The following SLC30A9 variants were observed in gnomAD, a reference collection of about 807,000 sequenced individuals.
SLC30A9 encodes proton-coupled zinc antiporter SLC30A9, mitochondrial.
SLC30A9 carries 58 observed loss-of-function variants against 87.5 expected under a neutral mutation model. That is an observed-to-expected ratio of 0.66 (90% CI 0.54 to 0.82). The LOEUF is 0.82. Ranked by LOEUF, SLC30A9 falls within the 40% of genes least tolerant of loss-of-function variation. The pLI, the probability that SLC30A9 is intolerant of heterozygous loss-of-function variation, is 0.00. For missense variants in SLC30A9, 557 were observed against 679.1 expected (o/e 0.82, Z 2.00); for synonymous variants, 234 against 233.0 (o/e 1.00, Z -0.04).
At chr4:42,009,633 A>C (rs1375685196) in intron 2 of SLC30A9, among the ~76,000 whole-genome samples, 1 of 152,230 alleles carries the variant, frequency 6.6e-6, no homozygotes, top group Admixed American at 6.5e-5. Context: ...AGTTGGTGCT[A>C]TGTAAAATAA....
chr4:42,049,431 A>G lies in SLC30A9; in HGVS notation c.792A>G (p.Ala264=), dbSNP rs1356541293. The change falls in exon 9 of 18, where the codon GCA becomes GCG. Residue 264 remains alanine (A), a synonymous_variant. Transcript: ENST00000264451. ...KFLAWIYTGS[A]SMFSEAIHSL... Reference sequence around the variant, plus strand: ...TTGCCTGGATTTATACCGGTTCAGCAAGTATGTTCTCAGAAGCTATACACT... The same window carrying G: ...TTGCCTGGATTTATACCGGTTCAGCGAGTATGTTCTCAGAAGCTATACACT... The G allele has an allele frequency of 1.9e-6, 3 of 1,612,200 alleles. No individual in the cohort carries two copies. The Admixed American group carries it at 5.0e-5, about 27-fold the overall frequency.
rs905566058 is a variant in SLC30A9 at position 42,021,758 on chromosome 4, G to GT, written c.435-1071dup. ...TTTCTTCTTTTCGTTTTTTTTGTTTGTTTTTTTTTGAGACAGGGTCTCACT... is the reference window on the plus strand; with the variant it reads ...TTTCTTCTTTTCGTTTTTTTTGTTTGTTTTTTTTTTGAGACAGGGTCTCACT... On this transcript the variant is annotated intron_variant, in intron 4 of 17. Transcript: ENST00000264451. Among the ~76,000 whole-genome samples the GT allele has an allele frequency of 1.1e-3, 159 of 149,564 alleles. 1 individual carries two copies. The highest frequency in any genetic ancestry group is 9.3e-4 in the African/African-American group (38 of 40,662).
chr4:42,075,059 A>ATT (rs1162707677), intron 15 of SLC30A9, among the ~76,000 whole-genome samples: 2 of 32,296 alleles, frequency 6.2e-5, no homozygotes, highest in Non-Finnish European at 1.0e-4. Flanking sequence ...ATATATATAT[A>ATT]TTTTTTTTTT....
chr4:42,040,333 C>T (rs1716869848), intron 8 of SLC30A9, among the ~76,000 whole-genome samples: 1 of 152,068 alleles, frequency 6.6e-6, no homozygotes, highest in South Asian at 2.1e-4. Context: ...TAACATAGTA[C>T]CTGCTCTAAG....
chr4:42,007,735 C>T (rs1045723053), intron 2 of SLC30A9, among the ~76,000 whole-genome samples: 3 of 152,080 alleles, frequency 2.0e-5, no homozygotes, highest in East Asian at 3.9e-4. Context: ...CCAGCCTGGG[C>T]GACAGAGCAA....
rs1716649663 is a variant in SLC30A9 at position 42,035,684 on chromosome 4, C to T, written c.669+351C>T. On this transcript the variant is annotated intron_variant, in intron 7 of 17. Coordinates refer to ENST00000264451, the MANE Select transcript of SLC30A9 (RefSeq NM_006345.4). ...TTAATTTTTGTGTTTTTAGTAGAGA[C>T]AGAGTTTCACCATGTTGGCTAGGTG... Among the ~76,000 whole-genome samples the T allele has an allele frequency of 2.0e-5, 3 of 152,000 alleles. No individual in the cohort carries two copies. The South Asian group carries it at 6.2e-4, about 32-fold the overall frequency.
intron 6 of SLC30A9, among the ~76,000 whole-genome samples, chr4:42,027,684 C>T (rs554358728): frequency 1.5e-4 from 23 of 152,078 alleles, no homozygotes; most frequent in Middle Eastern, 3.4e-3. Context: ...TCCCAACTCA[C>T]AGGAGTGTAA....
At chr4:42,054,487 G>A (rs970801298) in intron 9 of SLC30A9, among the ~76,000 whole-genome samples, 3 of 136,106 alleles carry the variant, frequency 2.2e-5, no homozygotes, top group African/African-American at 7.4e-5. Context: ...TAAGGAATTA[G>A]TATTGATTTT....
At chr4:42,046,996 A>T (rs1011606031) in intron 8 of SLC30A9, among the ~76,000 whole-genome samples, 1 of 152,224 alleles carries the variant, frequency 6.6e-6, no homozygotes, top group South Asian at 2.1e-4. Context: ...TCCCGATTTA[A>T]TAAATGGTGC....
chr4:42,067,284 T>C (rs1157824889), intron 14 of SLC30A9, 92 bp downstream of exon 14: 1 of 777,648 alleles, frequency 1.3e-6, no homozygotes. Flanking sequence ...TTGAATAATA[T>C]TAAACCAACA....
In SLC30A9 at chr4:42,023,397, A is replaced by T; in HGVS notation, c.610+13A>T. ...GAATACAGAGAAAGTAAGTATATTC[A>T]ATTTAAAGTCAAGTTAATTGAAAAA... On this transcript the variant is annotated intron_variant, in intron 6 of 17. Transcript: ENST00000264451. 1 of 1,505,544 alleles carries T rather than the reference A, an allele frequency of 6.6e-7. No individual in the cohort carries two copies. The highest frequency in any genetic ancestry group is 9.2e-7 in the Non-Finnish European group (1 of 1,081,200). The allele number at this position is 1,505,544 out of a possible 1,614,324, so 93.3% of individuals were successfully genotyped here.
At chr4:41,991,954 C>G (rs979710995) in intron 1 of SLC30A9, among the ~76,000 whole-genome samples, 1 of 151,780 alleles carries the variant, frequency 6.6e-6, no homozygotes, top group Non-Finnish European at 1.5e-5. Context: ...CAGCACTATT[C>G]CCAGGGCTTT....
intron 9 of SLC30A9, among the ~76,000 whole-genome samples, chr4:42,053,293 T>C (rs189730088): frequency 2.3e-4 from 35 of 152,078 alleles, no homozygotes; most frequent in African/African-American, 8.0e-4. Flanking sequence ...CTCTGGAAAA[T>C]ATTTGGCAGC....
At chr4:42,021,447 A>G (rs1715945003) in intron 4 of SLC30A9, among the ~76,000 whole-genome samples, 1 of 152,218 alleles carries the variant, frequency 6.6e-6, no homozygotes, top group Non-Finnish European at 1.5e-5. Context: ...TTACATAGTC[A>G]CAGACTTTTT....
At chr4:42,034,298 T>C (rs1657371975) in intron 6 of SLC30A9, among the ~76,000 whole-genome samples, 2 of 152,134 alleles carry the variant, frequency 1.3e-5, no homozygotes, top group African/African-American at 4.8e-5. Context: ...AAATTTACCA[T>C]CTTAACCATT....
intron 1 of SLC30A9, among the ~76,000 whole-genome samples, chr4:41,991,063 G>A (rs1413450162): frequency 1.3e-5 from 2 of 152,262 alleles, no homozygotes; most frequent in Admixed American, 6.5e-5. Context: ...GCGCATCGCG[G>A]TGTCCCGCGG....
At chr4:42,004,364 A>G (rs1560535366) in intron 2 of SLC30A9, among the ~76,000 whole-genome samples, 1 of 152,164 alleles carries the variant, frequency 6.6e-6, no homozygotes, top group Non-Finnish European at 1.5e-5. Flanking sequence ...ATATTTTTCT[A>G]CAGTTCTGGA....
chr4:42,028,706 C>G (rs574991975), intron 6 of SLC30A9, among the ~76,000 whole-genome samples: 1 of 152,308 alleles, frequency 6.6e-6, no homozygotes, highest in South Asian at 2.1e-4. Context: ...TGGACTTAAC[C>G]ACTGAAAGAA....
At chr4:42,085,608 C>G (rs1013111494) in intron 17 of SLC30A9, among the ~76,000 whole-genome samples, 1 of 152,138 alleles carries the variant, frequency 6.6e-6, no homozygotes, top group African/African-American at 2.4e-5. Flanking sequence ...GTCTCCCTAG[C>G]TAAACTGAGT....
Sources: gnomAD v4.1 joint callset for allele counts (sites outside exome capture counted in the v4.1 genomes callset) on GRCh38, gnomAD v4.1.1 for gene constraint, MANE v1.5 for transcripts, NCBI Gene and HGNC (gene_info 2026-07-23, HGNC 2026-07-21) for gene names.